The following NIPAL2 variants were observed in gnomAD, a reference collection of about 807,000 sequenced individuals.
The protein encoded by NIPAL2 is NIPA-like protein 2.
A neutral mutation model predicts 48.9 loss-of-function variants in NIPAL2; 43 were observed. The observed-to-expected ratio is 0.88, with a 90% CI of 0.69 to 1.13. The LOEUF is 1.13. Among genes scored for constraint, NIPAL2 ranks in the 50% most tolerant of loss-of-function variants. The pLI, the probability that NIPAL2 is intolerant of heterozygous loss-of-function variation, is 0.00. For synonymous variants in NIPAL2, 167 were observed against 174.6 expected, an observed-to-expected ratio of 0.96 and a Z score of 0.34; for missense variants, 446 against 461.4, an observed-to-expected ratio of 0.97 and a Z score of 0.31.
chr8:98,242,093 G>C (rs2443569), intron 3 of NIPAL2, among the ~76,000 whole-genome samples: 133,321 of 152,282 alleles, frequency 0.88, 58,661 homozygotes, highest in Non-Finnish European at 0.9. Flanking sequence ...CCTTTAGACA[G>C]GAGGAATAAG....
At chr8:98,259,724 G>C (rs893204309) in intron 1 of NIPAL2, among the ~76,000 whole-genome samples, 1 of 152,200 alleles carries the variant, frequency 6.6e-6, no homozygotes, top group Non-Finnish European at 1.5e-5. Context: ...CTAGCCTGCT[G>C]GGTGATGACA....
intron 1 of NIPAL2, among the ~76,000 whole-genome samples, chr8:98,284,712 G>A (rs746670413): frequency 1.2e-4 from 19 of 152,058 alleles, no homozygotes; most frequent in Non-Finnish European, 2.6e-4. Flanking sequence ...AGGAAATAAA[G>A]ACCCCCAGAA....
chr8:98,267,031 G>C lies in NIPAL2; in HGVS notation c.136-12944C>G, dbSNP rs568504095. On this transcript the variant is annotated intron_variant, in intron 1 of 10. Coordinates refer to ENST00000430223, the MANE Select transcript of NIPAL2 (RefSeq NM_001321635.2). ...AGACATAGTAAATGAAGGTTTTGCT[G>C]TTTCTTTATTCCCCATTTTTTTTGC... 4.0e-5 allele frequency among the ~76,000 whole-genome samples: 6 copies of C among 151,096 alleles called. No homozygotes were observed. The South Asian group carries it at 8.4e-4, about 21-fold the overall frequency.
At chr8:98,252,234 A>G (rs918523386) in intron 3 of NIPAL2, 5 of 438,846 alleles carry the variant, frequency 1.1e-5, no homozygotes, top group Non-Finnish European at 2.0e-5. Flanking sequence ...CTCAGGCATC[A>G]GGCTTTCACA....
intron 1 of NIPAL2, among the ~76,000 whole-genome samples, chr8:98,271,435 G>C (rs1177909048): frequency 1.3e-5 from 2 of 152,038 alleles, no homozygotes; most frequent in African/African-American, 4.8e-5. Context: ...TGTATTCCTA[G>C]GTATTTTATT....
At chr8:98,255,199 G>A (rs76238416) in intron 1 of NIPAL2, among the ~76,000 whole-genome samples, 4 of 152,188 alleles carry the variant, frequency 2.6e-5, no homozygotes, top group East Asian at 3.9e-4. Context: ...GTTCTTACAC[G>A]TTGCCCAAGA....
intron 1 of NIPAL2, among the ~76,000 whole-genome samples, chr8:98,288,063 A>G (rs1430754519): frequency 6.6e-6 from 1 of 152,104 alleles, no homozygotes; most frequent in African/African-American, 2.4e-5. Context: ...ATTATACTTT[A>G]AGTTTTAGGG....
chr8:98,227,049 C>T (rs1812212710), intron 4 of NIPAL2, among the ~76,000 whole-genome samples: 2 of 152,150 alleles, frequency 1.3e-5, no homozygotes, highest in African/African-American at 4.8e-5. Flanking sequence ...CCACCACCCT[C>T]AGGTACTGCC....
intron 1 of NIPAL2, among the ~76,000 whole-genome samples, chr8:98,270,223 A>G (rs1046191634): frequency 3.9e-5 from 6 of 152,166 alleles, no homozygotes; most frequent in African/African-American, 1.4e-4. Context: ...GCTGGGTGAA[A>G]TGGTAGTTCT....
chr8:98,244,980 A>C (rs921976263), intron 3 of NIPAL2, among the ~76,000 whole-genome samples: 1 of 152,178 alleles, frequency 6.6e-6, no homozygotes, highest in Admixed American at 6.5e-5. Flanking sequence ...AGAAACCAGG[A>C]TGTATATTTA....
At chr8:98,221,544 GT>G (rs199777419) in intron 5 of NIPAL2, among the ~76,000 whole-genome samples, 6 of 151,330 alleles carry the variant, frequency 4.0e-5, no homozygotes, top group South Asian at 4.2e-4. Context: ...CATCTATCAA[GT>G]TTTTTTTTAA....
intron 1 of NIPAL2, among the ~76,000 whole-genome samples, chr8:98,286,342 C>G (rs568382066): frequency 6.6e-6 from 1 of 152,310 alleles, no homozygotes; most frequent in South Asian, 2.1e-4. Context: ...GCCAGACACT[C>G]ATTTTATGCA....
At chr8:98,280,315 G>T (rs1478438369) in intron 1 of NIPAL2, among the ~76,000 whole-genome samples, 2 of 152,190 alleles carry the variant, frequency 1.3e-5, no homozygotes, top group Non-Finnish European at 2.9e-5. Context: ...AGTAATGGTT[G>T]TATGCAACCC....
intron 5 of NIPAL2, among the ~76,000 whole-genome samples, chr8:98,219,634 A>C (rs1811749820): frequency 6.6e-6 from 1 of 152,028 alleles, no homozygotes; most frequent in Non-Finnish European, 1.5e-5. Context: ...GAATGTAAAT[A>C]CTCTAGAACT....
Position 98,271,491 on chromosome 8 carries a change from C to T in NIPAL2, c.136-17404G>A, listed in dbSNP as rs144041456. ...ATGAGATTGTGTTCCTGATTTGGCT[C>T]TTAGCTTGAACATTGTTGGTGCATA... On this transcript the variant is annotated intron_variant, in intron 1 of 10. Coordinates refer to ENST00000430223, the MANE Select transcript of NIPAL2 (RefSeq NM_001321635.2). Among the ~76,000 whole-genome samples, 26 of 152,136 alleles carry T rather than the reference C, an allele frequency of 1.7e-4. No homozygotes were observed. The East Asian group carries it at 4.8e-3, about 28-fold the overall frequency.
intron 3 of NIPAL2, among the ~76,000 whole-genome samples, chr8:98,246,261 A>C (rs73283778): frequency 0.016 from 2,412 of 152,284 alleles, 70 homozygotes; most frequent in African/African-American, 0.055. Flanking sequence ...ATTTCAGTTT[A>C]GGGCTTCATA....
At chr8:98,195,220 C>T (rs1810488538) in intron 9 of NIPAL2, among the ~76,000 whole-genome samples, 1 of 152,108 alleles carries the variant, frequency 6.6e-6, no homozygotes. Flanking sequence ...ATTTCCAGAC[C>T]TCAGAAGTTT....
At chr8:98,247,296 T>C (rs1403157052) in intron 3 of NIPAL2, among the ~76,000 whole-genome samples, 1 of 152,294 alleles carries the variant, frequency 6.6e-6, no homozygotes, top group East Asian at 1.9e-4. Flanking sequence ...TTTTGTGATT[T>C]CCCCGTGCTG....
At chr8:98,250,944 C>T (rs143635740) in intron 3 of NIPAL2, among the ~76,000 whole-genome samples, 74 of 152,256 alleles carry the variant, frequency 4.9e-4, no homozygotes, top group African/African-American at 1.7e-3. Context: ...TCACTTCAGG[C>T]CCCATGAGGT....
Sources: allele counts gnomAD v4.1 joint callset (sites outside exome capture counted in the v4.1 genomes callset), GRCh38; gene constraint gnomAD v4.1.1; transcripts MANE v1.5; gene names NCBI Gene and HGNC (gene_info 2026-07-23, HGNC 2026-07-21).